PTPRD: variants seen among roughly 807,000 people sequenced by gnomAD.
PTPRD encodes the protein protein tyrosine phosphatase receptor type D, also known as receptor-type tyrosine-protein phosphatase delta.
In PTPRD, 34 loss-of-function variants were observed where a neutral mutation model predicts 214.5. That is an observed-to-expected ratio of 0.16 (90% CI 0.12 to 0.21). The LOEUF (loss-of-function observed/expected upper bound fraction) is 0.21, where lower values mean the gene tolerates loss of function less well. Among genes scored for constraint, PTPRD ranks in the 10% least tolerant of loss-of-function variants. The pLI is 1.00. For synonymous variants in PTPRD, 1,128 were observed against 845.7 expected, an observed-to-expected ratio of 1.33 and a Z score of -5.79; for missense variants, 2,545 against 2,398.7, an observed-to-expected ratio of 1.06 and a Z score of -1.27.
At chr9:9,240,176 T>C (rs888984848) in intron 9 of PTPRD, among the ~76,000 whole-genome samples, 4 of 115,386 alleles carry the variant, frequency 3.5e-5, no homozygotes, top group South Asian at 2.6e-4. Context: ...GATATCTACT[T>C]AAAAATAGTT....
intron 14 of PTPRD, among the ~76,000 whole-genome samples, chr9:8,539,175 ATAAC>A (rs1486665711): frequency 4.6e-5 from 7 of 152,092 alleles, no homozygotes; most frequent in African/African-American, 1.7e-4. Context: ...ACTGATATAA[ATAAC>A]TGAGTAAATT....
intron 2 of PTPRD, among the ~76,000 whole-genome samples, chr9:10,548,525 A>C (rs2060631339): frequency 6.6e-6 from 1 of 152,192 alleles, no homozygotes. Context: ...AAAGCCTGGA[A>C]AAGTGAAACA....
At chr9:8,515,083 A>G (rs2097760940) in intron 21 of PTPRD, among the ~76,000 whole-genome samples, 1 of 152,194 alleles carries the variant, frequency 6.6e-6, no homozygotes, top group Non-Finnish European at 1.5e-5. Context: ...TAAATTACTC[A>G]GTCATGGGTA....
At chr9:9,216,664 T>G (rs2099952471) in intron 9 of PTPRD, among the ~76,000 whole-genome samples, 1 of 152,264 alleles carries the variant, frequency 6.6e-6, no homozygotes, top group Non-Finnish European at 1.5e-5. Context: ...AGCTTGGGTC[T>G]AGAAAGACCA....
intron 10 of PTPRD, among the ~76,000 whole-genome samples, chr9:9,168,832 C>A (rs936476491): frequency 3.3e-5 from 5 of 151,840 alleles, no homozygotes; most frequent in Admixed American, 6.6e-5. Flanking sequence ...GACCTTAAAT[C>A]ATTTATCTGT....
intron 6 of PTPRD, among the ~76,000 whole-genome samples, chr9:9,749,228 G>C (rs186306296): frequency 4.6e-5 from 7 of 152,152 alleles, no homozygotes; most frequent in Admixed American, 1.3e-4. Context: ...GTGATGATCA[G>C]GGAGGGCCAA....
chr9:9,156,007 T>A (rs2099880873), intron 10 of PTPRD, among the ~76,000 whole-genome samples: 1 of 152,148 alleles, frequency 6.6e-6, no homozygotes, highest in Non-Finnish European at 1.5e-5. Context: ...TAATAGGCTA[T>A]AACAGCTCCC....
intron 7 of PTPRD, among the ~76,000 whole-genome samples, chr9:9,651,635 G>C (rs2096354309): frequency 6.6e-6 from 1 of 151,940 alleles, no homozygotes; most frequent in African/African-American, 2.4e-5. Context: ...TCTTTATACA[G>C]TCTATCATTC....
intron 11 of PTPRD, among the ~76,000 whole-genome samples, chr9:8,743,366 C>T (rs538056756): frequency 1.3e-5 from 2 of 152,140 alleles, no homozygotes; most frequent in African/African-American, 2.4e-5. Context: ...ACAGACATTG[C>T]ACTGATGTCA....
intron 43 of PTPRD, among the ~76,000 whole-genome samples, chr9:8,335,153 C>A (rs1304086498): frequency 2.0e-5 from 3 of 151,894 alleles, no homozygotes; most frequent in African/African-American, 7.3e-5. Context: ...TTTTATGAGG[C>A]CAGCATCATC....
rs201455705 is a variant in PTPRD at position 10,523,601 on chromosome 9, GTA to G, written c.-600+88795_-600+88796del. ...CAATATTTTTCAAGTATATTTATCT[GTA>G]TATATATATATATATATATAGACAG... On this transcript the variant is annotated intron_variant, in intron 2 of 45. Transcript: ENST00000381196. Among the ~76,000 whole-genome samples the G allele has an allele frequency of 4.3e-3, 275 of 64,344 alleles. 16 individuals carry two copies. Among genetic ancestry groups the G allele is most frequent in the Middle Eastern group, 0.029 (2 of 70 alleles). The allele number at this position is 64,344 out of a possible 152,430, so 42.2% of individuals were successfully genotyped here. A position where few individuals can be genotyped will look rare whatever the true frequency, so the allele number is the denominator to read the frequency against.
At chr9:9,191,246 C>G (rs558489171) in intron 9 of PTPRD, among the ~76,000 whole-genome samples, 1 of 152,196 alleles carries the variant, frequency 6.6e-6, no homozygotes, top group East Asian at 1.9e-4. Flanking sequence ...TAATTTCTTT[C>G]GCTTACGACA....
intron 30 of PTPRD, among the ~76,000 whole-genome samples, chr9:8,481,153 A>T (rs2096875897): frequency 6.6e-6 from 1 of 151,218 alleles, no homozygotes; most frequent in Non-Finnish European, 1.5e-5. Context: ...AAAAAAAAAA[A>T]AAAAAAAAAA....
intron 8 of PTPRD, among the ~76,000 whole-genome samples, chr9:9,409,310 G>A (rs1042819681): frequency 1.3e-5 from 2 of 151,786 alleles, no homozygotes; most frequent in Non-Finnish European, 2.9e-5. Context: ...ATCATTGAAT[G>A]TATTACATTG....
intron 8 of PTPRD, among the ~76,000 whole-genome samples, chr9:9,473,155 T>G (rs1049303695): frequency 1.3e-5 from 2 of 152,154 alleles, no homozygotes; most frequent in Admixed American, 6.5e-5. Flanking sequence ...ATATCCACAA[T>G]TCTACTCTCT....
At chr9:9,889,138 T>C (rs2072207538) in intron 5 of PTPRD, among the ~76,000 whole-genome samples, 1 of 151,834 alleles carries the variant, frequency 6.6e-6, no homozygotes, top group Admixed American at 6.6e-5. Flanking sequence ...GTGGAGGAAG[T>C]TGGGGAGATG....
At chr9:9,165,301 T>C (rs1392499150) in intron 10 of PTPRD, among the ~76,000 whole-genome samples, 1 of 152,192 alleles carries the variant, frequency 6.6e-6, no homozygotes, top group Non-Finnish European at 1.5e-5. Context: ...AACCAAAAGA[T>C]GAATGTCAGG....
chr9:8,375,605 C>T (rs531868752), intron 39 of PTPRD, among the ~76,000 whole-genome samples: 101 of 152,094 alleles, frequency 6.6e-4, no homozygotes, highest in African/African-American at 2.4e-3. Flanking sequence ...TCAAACAATA[C>T]AAATTTGTTT....
chr9:8,544,757 C>T (rs999818408), intron 14 of PTPRD, among the ~76,000 whole-genome samples: 4 of 151,998 alleles, frequency 2.6e-5, no homozygotes, highest in Admixed American at 1.3e-4. Flanking sequence ...AGGCATGAGC[C>T]ACCATGCCTG....
Sources: allele counts gnomAD v4.1 joint callset (sites outside exome capture counted in the v4.1 genomes callset), GRCh38; gene constraint gnomAD v4.1.1; transcripts MANE v1.5; gene names NCBI Gene and HGNC (gene_info 2026-07-23, HGNC 2026-07-21).